KCNJ3: variants seen among roughly 807,000 people sequenced by gnomAD.
KCNJ3 encodes the protein potassium inwardly rectifying channel subfamily J member 3, also known as G protein-activated inward rectifier potassium channel 1.
KCNJ3 carries 4 observed loss-of-function variants against 39.2 expected under a neutral mutation model. The observed-to-expected ratio is 0.10, with a 90% CI of 0.05 to 0.23. The LOEUF is 0.23. Ranked by LOEUF, KCNJ3 falls within the 10% of genes least tolerant of loss-of-function variation. The pLI is 1.00. For missense variants in KCNJ3, 276 were observed against 634.9 expected, an observed-to-expected ratio of 0.43 and a Z score of 6.08; for synonymous variants, 230 against 237.4, an observed-to-expected ratio of 0.97 and a Z score of 0.29.
intron 2 of KCNJ3, among the ~76,000 whole-genome samples, chr2:154,788,016 C>A (rs956031714): frequency 1.3e-5 from 2 of 152,030 alleles, no homozygotes; most frequent in Non-Finnish European, 2.9e-5. Flanking sequence ...TGTCCACACC[C>A]ATTTATTCAG....
intron 2 of KCNJ3, among the ~76,000 whole-genome samples, chr2:154,814,032 C>T (rs1687042846): frequency 6.6e-6 from 1 of 152,202 alleles, no homozygotes; most frequent in Non-Finnish European, 1.5e-5. Context: ...TCAATTGCTA[C>T]ACTTCTCCAA....
intron 2 of KCNJ3, among the ~76,000 whole-genome samples, chr2:154,748,231 A>G (rs1198116800): frequency 6.6e-6 from 1 of 151,756 alleles, no homozygotes. Context: ...ACTAAATAAC[A>G]CTCTTTTTAT....
In KCNJ3 at chr2:154,857,510, A is replaced by T. The variant is rs1275989457; in HGVS notation, c.*2197A>T. On this transcript the variant is annotated 3_prime_UTR_variant, in exon 3 of 3. Transcript: ENST00000295101. ...GAGAAGGCCATTGCTCACCATGAAC[A>T]CTGTATACCAGAAGGAGAGTGGGGA... The T allele has an allele frequency of 6.6e-6, 1 of 152,040 alleles. No homozygotes were observed. The highest frequency in any genetic ancestry group is 1.5e-5 in the Non-Finnish European group (1 of 68,012). The allele number at this position is 152,040 out of a possible 1,614,324, so 9.4% of individuals were successfully genotyped here. A position where few individuals can be genotyped will look rare whatever the true frequency, so the allele number is the denominator to read the frequency against.
intron 2 of KCNJ3, among the ~76,000 whole-genome samples, chr2:154,745,387 AT>A (rs780191149): frequency 6.7e-4 from 102 of 152,102 alleles, no homozygotes; most frequent in Admixed American, 1.2e-3. Context: ...TATTTCACAC[AT>A]TTTTAAATCT....
intron 1 of KCNJ3, among the ~76,000 whole-genome samples, chr2:154,704,391 C>T (rs546377016): frequency 6.6e-6 from 1 of 152,192 alleles, no homozygotes; most frequent in East Asian, 1.9e-4. Flanking sequence ...ATAAATGCCA[C>T]AAAGGCCCTC....
chr2:154,724,771 ATAC>A (rs1685319718), intron 2 of KCNJ3, among the ~76,000 whole-genome samples: 1 of 151,030 alleles, frequency 6.6e-6, no homozygotes, highest in African/African-American at 2.4e-5. Flanking sequence ...AGTAAACTCT[ATAC>A]TACTATTATA....
At chr2:154,844,265 C>T (rs545737919) in intron 2 of KCNJ3, among the ~76,000 whole-genome samples, 1 of 152,318 alleles carries the variant, frequency 6.6e-6, no homozygotes, top group Admixed American at 6.5e-5. Flanking sequence ...GCCTGGGTGT[C>T]ACCAGCGGAG....
chr2:154,770,592 CACT>C (rs1472388596), intron 2 of KCNJ3, among the ~76,000 whole-genome samples: 4 of 152,052 alleles, frequency 2.6e-5, no homozygotes, highest in Non-Finnish European at 2.9e-5. Context: ...TCATTTATTA[CACT>C]GCTGATTCTT....
chr2:154,794,530 G>GA (rs1028026041), intron 2 of KCNJ3, among the ~76,000 whole-genome samples: 5 of 151,978 alleles, frequency 3.3e-5, no homozygotes, highest in Non-Finnish European at 7.4e-5. Context: ...GTTGCAGTAT[G>GA]ACTGAGTGGA....
chr2:154,836,307 TAC>T (rs1329460609), intron 2 of KCNJ3, among the ~76,000 whole-genome samples: 8 of 152,240 alleles, frequency 5.3e-5, no homozygotes, highest in Middle Eastern at 3.4e-3. Context: ...GCATTAAACT[TAC>T]AGAGCTAAAT....
Position 154,858,273 on chromosome 2 carries a change from T to C in KCNJ3, c.*2960T>C, listed in dbSNP as rs1183892692. ...CACTCTTACAATGTCTTGGTTTGGATGATATATGGTGAAGTTTTTGTTGAA... is the reference window on the plus strand; with the variant it reads ...CACTCTTACAATGTCTTGGTTTGGACGATATATGGTGAAGTTTTTGTTGAA... On this transcript the variant is annotated 3_prime_UTR_variant, in exon 3 of 3. Transcript: ENST00000295101. The C allele has an allele frequency of 1.3e-5, 2 of 152,184 alleles. No homozygotes were observed. The highest frequency in any genetic ancestry group is 2.9e-5 in the Non-Finnish European group (2 of 68,028). 9.4% of individuals were successfully genotyped at this position (152,184 alleles called of 1,614,324 possible).
chr2:154,702,689 T>TA (rs1684924119), intron 1 of KCNJ3, among the ~76,000 whole-genome samples: 1 of 151,924 alleles, frequency 6.6e-6, no homozygotes, highest in Non-Finnish European at 1.5e-5. Context: ...GTCAGTCCTT[T>TA]TTCTACTCAT....
chr2:154,853,715 C>T (rs2105142201), intron 2 of KCNJ3, among the ~76,000 whole-genome samples: 1 of 152,126 alleles, frequency 6.6e-6, no homozygotes, highest in East Asian at 1.9e-4. Context: ...TCCTGTACTT[C>T]CAGTCTTCAC....
intron 2 of KCNJ3, among the ~76,000 whole-genome samples, chr2:154,764,547 T>C (rs886396588): frequency 6.6e-6 from 1 of 152,232 alleles, no homozygotes; most frequent in African/African-American, 2.4e-5. Context: ...TTTGATTACA[T>C]CTTCTTCTAA....
At chr2:154,827,437 C>T (rs1000918079) in intron 2 of KCNJ3, among the ~76,000 whole-genome samples, 2 of 152,098 alleles carry the variant, frequency 1.3e-5, no homozygotes, top group Non-Finnish European at 2.9e-5. Flanking sequence ...CCCCTAAGGC[C>T]TTTCAAAGGT....
rs1367411883 is a variant in KCNJ3 at position 154,766,561 on chromosome 2, T to A, written c.919+56742T>A. 2.6e-5 allele frequency among the ~76,000 whole-genome samples: 4 copies of A among 151,998 alleles called. No individual in the cohort carries two copies. The South Asian group carries it at 8.3e-4, about 32-fold the overall frequency. On this transcript the variant is annotated intron_variant, in intron 2 of 2. Transcript: ENST00000295101. Reference sequence around the variant, plus strand: ...TATTTATTTGTTTATTTATTTTTATTTTATATATTTTTTGAGACGGAATCT... The same window carrying A: ...TATTTATTTGTTTATTTATTTTTATATTATATATTTTTTGAGACGGAATCT...
chr2:154,745,928 G>T (rs1038029821), intron 2 of KCNJ3, among the ~76,000 whole-genome samples: 1 of 151,766 alleles, frequency 6.6e-6, no homozygotes, highest in Non-Finnish European at 1.5e-5. Flanking sequence ...GCTAGGCAGG[G>T]GTTGAGTACT....
At chr2:154,706,423 T>G (rs942520135) in intron 1 of KCNJ3, among the ~76,000 whole-genome samples, 7 of 152,132 alleles carry the variant, frequency 4.6e-5, no homozygotes, top group Non-Finnish European at 8.8e-5. Flanking sequence ...AATAGGGTAG[T>G]TAATTGCTAA....
chr2:154,707,494 A>G (rs1416571729), intron 1 of KCNJ3, among the ~76,000 whole-genome samples: 2 of 152,260 alleles, frequency 1.3e-5, no homozygotes, highest in African/African-American at 4.8e-5. Context: ...GGAATACAAA[A>G]TTTAATAGCT....
Sources: gnomAD v4.1 joint callset for allele counts (sites outside exome capture counted in the v4.1 genomes callset) on GRCh38, gnomAD v4.1.1 for gene constraint, MANE v1.5 for transcripts, NCBI Gene and HGNC (gene_info 2026-07-23, HGNC 2026-07-21) for gene names.